The following ASIC4 variants were observed in gnomAD, a reference collection of about 807,000 sequenced individuals.
ASIC4 encodes acid sensing ion channel subunit family member 4, also known as acid-sensing ion channel 4.
Under a neutral mutation model 53.4 loss-of-function variants are expected in ASIC4, and 28 were observed. That is an observed-to-expected ratio of 0.52 (90% CI 0.39 to 0.72). The LOEUF is 0.72. Ranked by LOEUF, ASIC4 falls within the 30% of genes least tolerant of loss-of-function variation. ASIC4 has a pLI of 0.00. For synonymous variants in ASIC4, 289 were observed against 301.4 expected, an observed-to-expected ratio of 0.96 and a Z score of 0.43; for missense variants, 649 against 729.7, an observed-to-expected ratio of 0.89 and a Z score of 1.27.
At position 219,535,217 on chromosome 2, in the gene ASIC4, C is replaced by T; in HGVS notation, c.1122C>T (p.Pro374=). The T allele has an allele frequency of 6.2e-7, 1 of 1,614,066 alleles. No homozygotes were observed. The highest frequency in any genetic ancestry group is 8.5e-7 in the Non-Finnish European group (1 of 1,179,964). The change falls in exon 6 of 10, where the codon CCC becomes CCT. Residue 374 remains proline, a synonymous_variant. Coordinates refer to ENST00000358078, the MANE Select transcript of ASIC4 (RefSeq NM_018674.6). ...AGGGCCCGTGCTTCTGCCCCACCCC[C>T]TGCAACCTGACACGCTATGGGAAAG... ...GPEGPCFCPT[P]CNLTRYGKEI...
At chr2:219,515,640 C>T (rs1393097249) in intron 1 of ASIC4, among the ~76,000 whole-genome samples, 1 of 152,214 alleles carries the variant, frequency 6.6e-6, no homozygotes, top group Non-Finnish European at 1.5e-5. Context: ...AACGCACGCA[C>T]CATCCCAAGG....
In ASIC4 at chr2:219,518,040, C is replaced by T. The variant is rs370134338; in HGVS notation, c.582+2734C>T. ...CTCTTGCTTCTGTTACCACTGCAAT[C>T]GCTCTCCCCCCACGCTCCCTAATAT... On this transcript the variant is annotated intron_variant, in intron 1 of 9. Transcript: ENST00000358078. The surrounding 1 kb of genome is among the most constrained non-coding windows in gnomAD (Gnocchi z 4.8). Among the ~76,000 whole-genome samples the T allele has an allele frequency of 5.3e-5, 8 of 152,104 alleles. No individual in the cohort carries two copies. The highest frequency in any genetic ancestry group is 1.9e-4 in the East Asian group (1 of 5,186).
At position 219,518,524 on chromosome 2, in the gene ASIC4, C is replaced by CTG. The variant is rs1559114797; in HGVS notation, c.582+3218_582+3219insTG. 2.0e-5 allele frequency among the ~76,000 whole-genome samples: 3 copies of CTG among 149,054 alleles called. No homozygotes were observed. Among genetic ancestry groups the CTG allele is most frequent in the African/African-American group, 7.8e-5 (3 of 38,632 alleles). ...TAGTTTACCTCTGCTCCTCTCTTCT[C>CTG]CCTCCCCTCTTCACTCAGTCTCATA... On this transcript the variant is annotated intron_variant, in intron 1 of 9. Coordinates refer to ENST00000358078, the MANE Select transcript of ASIC4 (RefSeq NM_018674.6). This position sits in a 1 kb window ranked among gnomAD's most constrained non-coding sequence, Gnocchi z 4.8.
intron 1 of ASIC4, among the ~76,000 whole-genome samples, chr2:219,519,653 A>C (rs1226170527): frequency 1.3e-5 from 2 of 152,262 alleles, no homozygotes; most frequent in African/African-American, 4.8e-5. Context: ...AAATGCGATT[A>C]GTGCGACAGA....
Position 219,537,523 on chromosome 2 carries a change from G to A in ASIC4, c.1402-109G>A. On this transcript the variant is annotated intron_variant, in intron 8 of 9. Coordinates refer to ENST00000358078, the MANE Select transcript of ASIC4 (RefSeq NM_018674.6). The surrounding 1 kb of genome is among the most constrained non-coding windows in gnomAD (Gnocchi z 4.9). Reference sequence around the variant, plus strand: ...GAGGAGGAGGAGGGTGTCCTACTGGGAGTTTGCTGTGGCAGTAAGTCCTGT... The same window carrying A: ...GAGGAGGAGGAGGGTGTCCTACTGGAAGTTTGCTGTGGCAGTAAGTCCTGT... The A allele has an allele frequency of 9.2e-7, 1 of 1,087,386 alleles. No individual in the cohort carries two copies. The highest frequency in any genetic ancestry group is 1.3e-6 in the Non-Finnish European group (1 of 746,672). The allele number at this position is 1,087,386 out of a possible 1,614,324, so 67.4% of individuals were successfully genotyped here.
At chr2:219,530,045 C>CTCTTTTTCCT (rs1401293067) in intron 1 of ASIC4, among the ~76,000 whole-genome samples, 2 of 152,194 alleles carry the variant, frequency 1.3e-5, no homozygotes, top group African/African-American at 4.8e-5. Flanking sequence ...CATTCAGGAT[C>CTCTTTTTCCT]TCTTTTTCCT....
At chr2:219,511,936 G>T (rs149477210), upstream of ASIC4, among the ~76,000 whole-genome samples, 4 of 152,090 alleles carry the variant, frequency 2.6e-5, no homozygotes, top group African/African-American at 7.2e-5. The surrounding 1 kb of genome is among the most constrained non-coding windows in gnomAD (Gnocchi z 5.3). Flanking sequence ...AGAGGCAAAG[G>T]GGGTATAGAG....
chr2:219,532,178 G>C, intron 3 of ASIC4, 50 bp downstream of exon 3: 1 of 1,610,062 alleles, frequency 6.2e-7, no homozygotes, highest in Non-Finnish European at 8.5e-7. Flanking sequence ...TCGCCTTTGG[G>C]CTCAGAGGGG....
Position 219,517,979 on chromosome 2 carries a change from G to A in ASIC4, c.582+2673G>A, listed in dbSNP as rs569934737. On this transcript the variant is annotated intron_variant, in intron 1 of 9. Transcript: ENST00000358078. This position sits in a 1 kb window ranked among gnomAD's most constrained non-coding sequence, Gnocchi z 4.2. The stretch of plus-strand genomic sequence containing the variant: ...ACATTTTCCAGCCTATTTTTACTCC[G>A]GGTAATGTGCCCTCCCCCAGTCCCC... Among the ~76,000 whole-genome samples, 5 of 152,174 alleles carry A rather than the reference G, an allele frequency of 3.3e-5. No homozygotes were observed. In the South Asian group the frequency reaches 6.2e-4, roughly 19 times the overall value.
Position 219,518,208 on chromosome 2 carries a change from A to G in ASIC4, c.582+2902A>G, listed in dbSNP as rs1338810417. 3.3e-5 allele frequency among the ~76,000 whole-genome samples: 5 copies of G among 152,200 alleles called. No individual in the cohort carries two copies. The highest frequency in any genetic ancestry group is 7.3e-5 in the Non-Finnish European group (5 of 68,042). On this transcript the variant is annotated intron_variant, in intron 1 of 9. Transcript: ENST00000358078. This position sits in a 1 kb window ranked among gnomAD's most constrained non-coding sequence, Gnocchi z 4.8. ...CCCAGTCCCTGTCCTCAAGCAGCCT[A>G]TAGTCTCGTAGAGTGGGGACAGGGA... is the stretch of plus-strand genomic sequence containing the variant.
intron 1 of ASIC4, among the ~76,000 whole-genome samples, chr2:219,519,293 C>T (rs1383247489): frequency 6.6e-6 from 1 of 152,194 alleles, no homozygotes; most frequent in Non-Finnish European, 1.5e-5. Flanking sequence ...TCTGTGTAAG[C>T]GTCAGCTGTT....
At chr2:219,529,964 G>A (rs1395287909) in intron 1 of ASIC4, among the ~76,000 whole-genome samples, 10 of 151,996 alleles carry the variant, frequency 6.6e-5, no homozygotes, top group African/African-American at 2.2e-4. Flanking sequence ...GAGGTCTCAG[G>A]AGGACTCTCA....
intron 1 of ASIC4, among the ~76,000 whole-genome samples, chr2:219,528,923 G>T (rs1242697741): frequency 1.3e-5 from 2 of 152,128 alleles, no homozygotes; most frequent in African/African-American, 4.8e-5. Context: ...TCTAGAGTCG[G>T]GCTGTCTTGC....
At chr2:219,533,272 A>T in intron 5 of ASIC4, 1 of 446,516 alleles carries the variant, frequency 2.2e-6, no homozygotes, top group South Asian at 2.5e-5. Context: ...GGAAAAATGC[A>T]TTGCTGGCTA....
chr2:219,511,523 G>C (rs1046820929), upstream of ASIC4, among the ~76,000 whole-genome samples: 1 of 152,174 alleles, frequency 6.6e-6, no homozygotes, highest in Non-Finnish European at 1.5e-5. The surrounding 1 kb of genome is among the most constrained non-coding windows in gnomAD (Gnocchi z 5.3). Context: ...TCTGAGGAAT[G>C]GGGACAACCA....
At chr2:219,513,521 A>G (rs1694728747), upstream of ASIC4, among the ~76,000 whole-genome samples, 1 of 151,994 alleles carries the variant, frequency 6.6e-6, no homozygotes, top group Non-Finnish European at 1.5e-5. Flanking sequence ...ATTGACGCCC[A>G]GCACATCTTC....
chr2:219,510,269 TATCTGCTCCCAGCAGCTTTCGCTGCTGCA>T (rs1694684441), upstream of ASIC4, among the ~76,000 whole-genome samples: 1 of 151,682 alleles, frequency 6.6e-6, no homozygotes, highest in Admixed American at 6.6e-5. The surrounding 1 kb of genome is among the most constrained non-coding windows in gnomAD (Gnocchi z 5.2). Flanking sequence ...TGTGCCGCCT[TATCTGCTCCCAGCAGCTTTCGCTGCTGCA>T]AAGCCCTCTC....
upstream of ASIC4, among the ~76,000 whole-genome samples, chr2:219,510,916 C>A (rs190132357): frequency 6.6e-6 from 1 of 152,044 alleles, no homozygotes; most frequent in Non-Finnish European, 1.5e-5. The surrounding 1 kb of genome is among the most constrained non-coding windows in gnomAD (Gnocchi z 5.2). Flanking sequence ...ATAAATCAGC[C>A]GCCGTCCGCC....
At chr2:219,522,921 T>A (rs1485756598) in intron 1 of ASIC4, among the ~76,000 whole-genome samples, 2 of 151,958 alleles carry the variant, frequency 1.3e-5, no homozygotes, top group African/African-American at 4.8e-5. Flanking sequence ...CCGTGATGGA[T>A]GCCTGGCCCG....
Sources: gnomAD v4.1 joint callset for allele counts (sites outside exome capture counted in the v4.1 genomes callset) on GRCh38, gnomAD v4.1.1 for gene constraint, Gnocchi (gnomAD v3.1) non-coding constraint, MANE v1.5 for transcripts, NCBI Gene and HGNC (gene_info 2026-07-23, HGNC 2026-07-21) for gene names.